Variants in IGSF11 observed in about 807,000 individuals in gnomAD.
IGSF11 encodes CXADR like 1.
Under a neutral mutation model 41.0 loss-of-function variants are expected in IGSF11, and 22 were observed. The observed-to-expected ratio is 0.54, with a 90% CI of 0.38 to 0.77. The LOEUF (loss-of-function observed/expected upper bound fraction) is 0.77, where lower values mean the gene tolerates loss of function less well. IGSF11 is among the 30% of genes least tolerant of loss of function. The pLI is 0.00. For synonymous variants in IGSF11, 219 were observed against 201.3 expected (o/e 1.09, Z -0.74); for missense variants, 444 against 530.8 (o/e 0.84, Z 1.61).
rs186407893 is a variant in IGSF11 at position 119,136,224 on chromosome 3, A to T, written c.-14+9589T>A. 4.0e-5 allele frequency among the ~76,000 whole-genome samples: 6 copies of T among 150,510 alleles called. 1 individual carries two copies. In the East Asian group the frequency reaches 7.7e-4, roughly 19 times the overall value. On this transcript the variant is annotated intron_variant, in intron 1 of 7. Coordinates refer to the IGSF11 transcript ENST00000425327. ...ACTTAAAGTATAATAATTAAAAAGA[A>T]AAAAAGAAGACAGAAAGGAAAGAAA...
intron 1 of IGSF11, among the ~76,000 whole-genome samples, chr3:119,014,663 T>C (rs1163514152): frequency 1.3e-5 from 2 of 152,254 alleles, no homozygotes; most frequent in Non-Finnish European, 2.9e-5. Flanking sequence ...GCCACTTACA[T>C]GCTGTGTGGT....
chr3:119,116,557 G>T (rs988076896), intron 1 of IGSF11, among the ~76,000 whole-genome samples: 1 of 151,984 alleles, frequency 6.6e-6, no homozygotes, highest in Non-Finnish European at 1.5e-5. Context: ...ATTATTCCTG[G>T]CATATTGGGC....
chr3:118,996,924 T>C (rs1268128448), intron 1 of IGSF11, among the ~76,000 whole-genome samples: 1 of 152,196 alleles, frequency 6.6e-6, no homozygotes, highest in African/African-American at 2.4e-5. Context: ...TTTATTCATC[T>C]TGGGACACTC....
chr3:118,974,318 G>GT (rs1328642847), intron 1 of IGSF11, among the ~76,000 whole-genome samples: 3 of 152,188 alleles, frequency 2.0e-5, no homozygotes, highest in African/African-American at 7.2e-5. Context: ...GTGGACACAA[G>GT]TAAGTTGAAT....
chr3:118,962,281 A>G (rs575031691), intron 1 of IGSF11, among the ~76,000 whole-genome samples: 65 of 152,324 alleles, frequency 4.3e-4, no homozygotes, highest in African/African-American at 1.5e-3. Flanking sequence ...CAATTATTAT[A>G]TTATTGTAAT....
chr3:119,121,482 T>G (rs924160934), intron 1 of IGSF11, among the ~76,000 whole-genome samples: 10 of 152,204 alleles, frequency 6.6e-5, no homozygotes, highest in Non-Finnish European at 1.2e-4. Context: ...ATTATCAAAT[T>G]TAAAGATAGG....
intron 1 of IGSF11, among the ~76,000 whole-genome samples, chr3:119,010,371 T>C (rs1242591079): frequency 6.6e-6 from 1 of 152,216 alleles, no homozygotes. Context: ...CGACGGTTAA[T>C]TGTATGTGTC....
At chr3:119,052,863 T>C (rs950890430) in intron 1 of IGSF11, among the ~76,000 whole-genome samples, 1 of 152,116 alleles carries the variant, frequency 6.6e-6, no homozygotes, top group Non-Finnish European at 1.5e-5. Flanking sequence ...ATAAATATGA[T>C]ACACCACAAA....
rs548613608 is a variant in IGSF11, at chr3:119,119,937, C to T, written c.-13-14732G>A. Among the ~76,000 whole-genome samples, 30 of 152,342 alleles carry T rather than the reference C, an allele frequency of 2.0e-4. 1 individual carries two copies. The South Asian group carries it at 5.2e-3, about 26-fold the overall frequency. Reference sequence around the variant, plus strand: ...CCCAAGTCATCTCTTGAATGTTTTGCTGCTTAATCTAGTTCTCAAGAATTT... The same window carrying T: ...CCCAAGTCATCTCTTGAATGTTTTGTTGCTTAATCTAGTTCTCAAGAATTT... On this transcript the variant is annotated intron_variant, in intron 1 of 7. Coordinates refer to the IGSF11 transcript ENST00000425327.
intron 1 of IGSF11, among the ~76,000 whole-genome samples, chr3:119,023,592 T>C (rs1482655064): frequency 6.6e-6 from 1 of 152,134 alleles, no homozygotes; most frequent in Non-Finnish European, 1.5e-5. Context: ...TAAAATTAGA[T>C]ACATCTAAGT....
intron 4 of IGSF11, among the ~76,000 whole-genome samples, chr3:118,920,221 T>C (rs1222041636): frequency 1.1e-4 from 16 of 149,560 alleles, no homozygotes; most frequent in Admixed American, 1.1e-3. Context: ...GTAACTAACC[T>C]GCACAATGTG....
intron 1 of IGSF11, among the ~76,000 whole-genome samples, chr3:119,138,459 C>A (rs2077593747): frequency 6.6e-6 from 1 of 152,148 alleles, no homozygotes; most frequent in African/African-American, 2.4e-5. Flanking sequence ...CCAAAGCAGG[C>A]AGATCACTTG....
intron 1 of IGSF11, among the ~76,000 whole-genome samples, chr3:119,140,812 G>C (rs549884385): frequency 1.2e-4 from 19 of 152,092 alleles, no homozygotes; most frequent in African/African-American, 4.6e-4. Flanking sequence ...GGGAGGCCGA[G>C]GAGGGTGGAT....
intron 1 of IGSF11, among the ~76,000 whole-genome samples, chr3:119,126,727 A>G (rs1355868667): frequency 3.3e-5 from 5 of 152,106 alleles, no homozygotes; most frequent in African/African-American, 1.2e-4. Context: ...ACGGGAGCAA[A>G]TCAGATAAGG....
At chr3:119,105,569 C>A (rs999743530), upstream of IGSF11, among the ~76,000 whole-genome samples, 1 of 152,150 alleles carries the variant, frequency 6.6e-6, no homozygotes, top group Non-Finnish European at 1.5e-5. Context: ...TCACCTGCAT[C>A]AGTCACAACT....
At chr3:119,043,282 C>A (rs1487483494) in intron 1 of IGSF11, among the ~76,000 whole-genome samples, 1 of 152,170 alleles carries the variant, frequency 6.6e-6, no homozygotes, top group Non-Finnish European at 1.5e-5. Context: ...TTTCCCTCCC[C>A]CTGTGCTCTC....
At chr3:118,905,783 C>A in intron 4 of IGSF11, 65 bp from the exon 5 acceptor site, 2 of 1,580,918 alleles carry the variant, frequency 1.3e-6, no homozygotes, top group Non-Finnish European at 8.7e-7. Context: ...AAGAAATCAG[C>A]GGAAGACCAT....
At chr3:118,959,941 AG>A (rs1945225729) in intron 1 of IGSF11, among the ~76,000 whole-genome samples, 1 of 151,682 alleles carries the variant, frequency 6.6e-6, no homozygotes, top group Non-Finnish European at 1.5e-5. Flanking sequence ...GCTACTCGGG[AG>A]GCTGAGGCAG....
intron 1 of IGSF11, among the ~76,000 whole-genome samples, chr3:119,047,016 C>A (rs1350187093): frequency 6.9e-6 from 1 of 145,544 alleles, no homozygotes; most frequent in African/African-American, 2.5e-5. Context: ...TGGAAAGGAA[C>A]AACCGGTACC....
Sources: gnomAD v4.1 joint callset for allele counts (sites outside exome capture counted in the v4.1 genomes callset) on GRCh38, gnomAD v4.1.1 for gene constraint, MANE v1.5 for transcripts, NCBI Gene and HGNC (gene_info 2026-07-23, HGNC 2026-07-21) for gene names.